IRAG2: variants seen among roughly 807,000 people sequenced by gnomAD.
IRAG2 encodes the protein lymphoid restricted membrane protein.
Under a neutral mutation model 69.9 loss-of-function variants are expected in IRAG2, and 45 were observed. That is an observed-to-expected ratio of 0.64 (90% CI 0.51 to 0.83). The LOEUF (loss-of-function observed/expected upper bound fraction) is 0.83. Ranked by LOEUF, IRAG2 falls within the 40% of genes least tolerant of loss-of-function variation. IRAG2 has a pLI of 0.00. For synonymous variants in IRAG2, 193 were observed against 202.4 expected (o/e 0.95, Z 0.40); for missense variants, 520 against 587.0 (o/e 0.89, Z 1.18).
chr12:25,089,479 A>G (rs1947879114), intron 11 of IRAG2, 135 bp from the exon 12 acceptor site: 1 of 582,562 alleles, frequency 1.7e-6, no homozygotes, highest in Admixed American at 3.3e-5. Flanking sequence ...TTAAGTGCAT[A>G]CATTATTAGC....
intron 9 of IRAG2, among the ~76,000 whole-genome samples, chr12:25,083,107 A>G (rs1947334985): frequency 6.6e-6 from 1 of 152,130 alleles, no homozygotes; most frequent in African/African-American, 2.4e-5. Context: ...TCCGCCCTCC[A>G]CTTTCTATTA....
intron 6 of IRAG2, among the ~76,000 whole-genome samples, chr12:25,074,857 C>A (rs951300867): frequency 5.3e-5 from 8 of 152,160 alleles, no homozygotes; most frequent in Admixed American, 3.3e-4. Flanking sequence ...CACTGGGAGG[C>A]GGTGATTTAT....
At chr12:25,033,280 T>C (rs1944682276) in intron 12 of IRAG2, among the ~76,000 whole-genome samples, 1 of 152,156 alleles carries the variant, frequency 6.6e-6, no homozygotes, top group Non-Finnish European at 1.5e-5. Flanking sequence ...AATGTAAGCA[T>C]GGCACCTTGT....
the IRAG2 span, among the ~76,000 whole-genome samples, chr12:24,997,859 G>A: frequency 6.6e-6 from 1 of 152,128 alleles, no homozygotes; most frequent in Admixed American, 6.5e-5. Flanking sequence ...TCTACAAATA[G>A]GGAAAAAAGA....
chr12:25,072,912 T>G (rs1463489899), intron 6 of IRAG2, among the ~76,000 whole-genome samples: 2 of 152,254 alleles, frequency 1.3e-5, no homozygotes, highest in Admixed American at 1.3e-4. Context: ...GCTTTTCCAT[T>G]TATCAAAATT....
At chr12:25,020,366 A>G (rs755333182) in intron 6 of IRAG2, among the ~76,000 whole-genome samples, 5 of 152,244 alleles carry the variant, frequency 3.3e-5, no homozygotes, top group African/African-American at 1.2e-4. Flanking sequence ...TGTAAGCTCT[A>G]TAAGGCCAAG....
At position 25,047,041 on chromosome 12, in the gene IRAG2, G is replaced by C. The variant is rs749656500; in HGVS notation, c.2145-5194G>C. On this transcript the variant is annotated intron_variant, in intron 16 of 38. Transcript: ENST00000636465. Reference sequence around the variant, plus strand: ...TAAACCAATGCATAGATGGTCAATTGATCTTCAACATAGATACTAAGAATA... The same window carrying C: ...TAAACCAATGCATAGATGGTCAATTCATCTTCAACATAGATACTAAGAATA... Among the ~76,000 whole-genome samples, 42 of 152,134 alleles carry C rather than the reference G, an allele frequency of 2.8e-4. 1 individual carries two copies. The highest frequency in any genetic ancestry group is 5.4e-4 in the Non-Finnish European group (37 of 68,038).
chr12:25,019,611 G>T (rs1033889548), intron 6 of IRAG2, among the ~76,000 whole-genome samples: 1 of 152,172 alleles, frequency 6.6e-6, no homozygotes, highest in Non-Finnish European at 1.5e-5. Context: ...TCCTCTGCCA[G>T]TGGAGCTTGG....
At position 25,108,081 on chromosome 12, in the gene IRAG2, T is replaced by C; in HGVS notation, c.*21T>C. On this transcript the variant is annotated 3_prime_UTR_variant, in exon 22 of 22. Coordinates refer to ENST00000556887, the MANE Select transcript of IRAG2 (RefSeq NM_001366544.2). ...TGTGACAGCAGGACATCCTAATATA[T>C]GGATCTTGATTTTTAAGTTTCAGTA... 6.2e-7 allele frequency: 1 copy of C among 1,602,062 alleles called. No individual in the cohort carries two copies. Among genetic ancestry groups the C allele is most frequent in the Non-Finnish European group, 8.5e-7 (1 of 1,171,796 alleles).
intron 6 of IRAG2, among the ~76,000 whole-genome samples, chr12:25,076,094 T>G (rs1201518362): frequency 6.6e-6 from 1 of 152,162 alleles, no homozygotes; most frequent in Non-Finnish European, 1.5e-5. Context: ...AAAAATCTTC[T>G]TTACTCTAGT....
At chr12:25,098,488 G>T (rs139341544) in intron 15 of IRAG2, among the ~76,000 whole-genome samples, 1 of 152,136 alleles carries the variant, frequency 6.6e-6, no homozygotes, top group Admixed American at 6.5e-5. Context: ...TGTTCCTAAA[G>T]ATGCGTTGTC....
At chr12:25,069,186 TG>T (rs1946170627) in intron 5 of IRAG2, among the ~76,000 whole-genome samples, 163 bp from the exon 6 acceptor site, 1 of 152,184 alleles carries the variant, frequency 6.6e-6, no homozygotes, top group South Asian at 2.1e-4. Context: ...CTGATGGAGG[TG>T]GGAACTCTCT....
chr12:25,025,692 A>T (rs1944616173), intron 8 of IRAG2, among the ~76,000 whole-genome samples: 1 of 152,246 alleles, frequency 6.6e-6, no homozygotes, highest in African/African-American at 2.4e-5. Context: ...GCAATGATCC[A>T]GTCAAAAGCT....
At chr12:25,007,923 A>G (rs1232152878) in intron 2 of IRAG2, among the ~76,000 whole-genome samples, 2 of 152,210 alleles carry the variant, frequency 1.3e-5, no homozygotes, top group African/African-American at 4.8e-5. Flanking sequence ...AAATATGATC[A>G]GATAAAAGTT....
At chr12:25,102,334 C>A in intron 17 of IRAG2, 93 bp downstream of exon 17, 1 of 917,550 alleles carries the variant, frequency 1.1e-6, no homozygotes, top group Non-Finnish European at 1.7e-6. Flanking sequence ...ATGTAAATAA[C>A]AAAATAGTGA....
At chr12:25,052,514 A>G (rs1944907433), upstream of IRAG2, 5 of 396,802 alleles carry the variant, frequency 1.3e-5, no homozygotes, top group Admixed American at 4.4e-5. Flanking sequence ...GAGGAAGTAA[A>G]GGGGGAGTTG....
At chr12:25,094,695 C>T (rs1948302777) in intron 14 of IRAG2, among the ~76,000 whole-genome samples, 1 of 150,054 alleles carries the variant, frequency 6.7e-6, no homozygotes, top group African/African-American at 2.5e-5. Context: ...GGTCTACCAA[C>T]CCATGAACAC....
intron 3 of IRAG2, chr12:25,015,152 T>G (rs1944515070): frequency 7.0e-6 from 7 of 999,884 alleles, no homozygotes; most frequent in African/African-American, 2.5e-5. Context: ...GCTCACTGGT[T>G]TTGTTTTTTT....
At chr12:24,998,672 A>G in the IRAG2 span, among the ~76,000 whole-genome samples, 2 of 151,998 alleles carry the variant, frequency 1.3e-5, no homozygotes, top group Non-Finnish European at 1.5e-5. Flanking sequence ...TCTCTTGTCT[A>G]TCTACACACA....
Sources: allele counts gnomAD v4.1 joint callset (sites outside exome capture counted in the v4.1 genomes callset), GRCh38; gene constraint gnomAD v4.1.1; transcripts MANE v1.5; gene names NCBI Gene and HGNC (gene_info 2026-07-23, HGNC 2026-07-21).